The following ARHGEF28 variants were observed in gnomAD, a reference collection of about 807,000 sequenced individuals.
ARHGEF28 encodes the protein 190 kDa guanine nucleotide exchange factor.
In ARHGEF28, 152 loss-of-function variants were observed where a neutral mutation model predicts 206.6. The ratio of observed to expected loss-of-function variants is 0.74; its 90% CI spans 0.64 to 0.84. The LOEUF (loss-of-function observed/expected upper bound fraction) is 0.84. Among genes scored for constraint, ARHGEF28 ranks in the 40% least tolerant of loss-of-function variants. The pLI, the probability that ARHGEF28 is intolerant of heterozygous loss-of-function variation, is 0.00. For synonymous variants in ARHGEF28, 763 were observed against 776.4 expected (o/e 0.98, Z 0.29); for missense variants, 2,028 against 2,073.2 (o/e 0.98, Z 0.42).
At chr5:73,667,476 G>A (rs1415349247) in intron 1 of ARHGEF28, among the ~76,000 whole-genome samples, 1 of 152,168 alleles carries the variant, frequency 6.6e-6, no homozygotes, top group Non-Finnish European at 1.5e-5. Flanking sequence ...CCTTCTCCCA[G>A]GACTTGGCAC....
At chr5:73,786,578 G>A (rs1381775019) in intron 7 of ARHGEF28, 2 of 152,190 alleles carry the variant, frequency 1.3e-5, no homozygotes, top group Admixed American at 6.5e-5. Context: ...ATGTCTCGAT[G>A]ACACATGCCA....
intron 22 of ARHGEF28, among the ~76,000 whole-genome samples, chr5:73,882,109 G>T (rs1239895014): frequency 2.0e-5 from 3 of 152,004 alleles, no homozygotes; most frequent in Non-Finnish European, 4.4e-5. Context: ...CTTCCTGAAG[G>T]CCCCTAAATG....
chr5:73,634,608 C>T (rs1561299108), intron 1 of ARHGEF28, among the ~76,000 whole-genome samples: 1 of 152,178 alleles, frequency 6.6e-6, no homozygotes, highest in Non-Finnish European at 1.5e-5. Context: ...TGTATCGAAT[C>T]CCTCTGTCAT....
At chr5:73,679,223 T>A (rs552145632) in intron 1 of ARHGEF28, among the ~76,000 whole-genome samples, 1 of 152,322 alleles carries the variant, frequency 6.6e-6, no homozygotes, top group East Asian at 1.9e-4. Flanking sequence ...AAACTTTAAA[T>A]GATTTTTTTG....
At chr5:73,782,724 G>C (rs1019894770) in intron 7 of ARHGEF28, among the ~76,000 whole-genome samples, 3 of 152,182 alleles carry the variant, frequency 2.0e-5, no homozygotes, top group Non-Finnish European at 4.4e-5. Context: ...TCTCCTTGAA[G>C]ACCTGTAGGA....
At chr5:73,632,815 A>C (rs1329795538) in intron 1 of ARHGEF28, among the ~76,000 whole-genome samples, 1 of 151,894 alleles carries the variant, frequency 6.6e-6, no homozygotes, top group African/African-American at 2.4e-5. Context: ...AGCAGTCCCC[A>C]ACCTTTTTGA....
chr5:73,874,464 G>A (rs996683825), intron 22 of ARHGEF28, among the ~76,000 whole-genome samples: 25 of 151,314 alleles, frequency 1.7e-4, no homozygotes, highest in Admixed American at 1.4e-3. Context: ...ACAATGTGCA[G>A]GTTAGTTACA....
At chr5:73,702,998 T>G (rs1748692760) in intron 2 of ARHGEF28, among the ~76,000 whole-genome samples, 1 of 152,220 alleles carries the variant, frequency 6.6e-6, no homozygotes. Context: ...AATATCTAAA[T>G]CTGTTTGGGT....
chr5:73,645,953 T>C (rs1744398252), intron 1 of ARHGEF28, among the ~76,000 whole-genome samples: 1 of 152,112 alleles, frequency 6.6e-6, no homozygotes, highest in Non-Finnish European at 1.5e-5. Flanking sequence ...ATCTTTGATA[T>C]GATTCTGGTA....
chr5:73,785,694 G>A (rs1445511769), intron 7 of ARHGEF28, among the ~76,000 whole-genome samples: 4 of 152,242 alleles, frequency 2.6e-5, no homozygotes, highest in Non-Finnish European at 2.9e-5. Context: ...GTTCAAAAAC[G>A]CTCTGCATTT....
In ARHGEF28 at chr5:73,801,612, G is replaced by T. The variant is rs567948736; in HGVS notation, c.1024+6221G>T. On this transcript the variant is annotated intron_variant, in intron 9 of 35. Transcript: ENST00000513042. Reference sequence around the variant, plus strand: ...CAAGAATGTTTCGTGAAACATGGGAGGGGGGGACCTTAGCAGAACTCTTCT... The same window carrying T: ...CAAGAATGTTTCGTGAAACATGGGATGGGGGGACCTTAGCAGAACTCTTCT... Among the ~76,000 whole-genome samples the T allele has an allele frequency of 5.3e-5, 8 of 152,160 alleles. No individual in the cohort carries two copies. The South Asian group carries it at 1.2e-3, about 24-fold the overall frequency.
At chr5:73,646,541 G>C (rs969212601) in intron 1 of ARHGEF28, among the ~76,000 whole-genome samples, 1 of 152,186 alleles carries the variant, frequency 6.6e-6, no homozygotes, top group Admixed American at 6.5e-5. Context: ...CTGTCTGAGA[G>C]CTCACTGTAC....
chr5:73,863,978 G>A (rs1183363414), intron 16 of ARHGEF28, among the ~76,000 whole-genome samples: 1 of 152,098 alleles, frequency 6.6e-6, no homozygotes, highest in East Asian at 1.9e-4. Flanking sequence ...TATGCAGTGT[G>A]GCTTTGATGG....
chr5:73,785,697 C>T (rs1754117547), intron 7 of ARHGEF28, among the ~76,000 whole-genome samples: 1 of 152,196 alleles, frequency 6.6e-6, no homozygotes, highest in African/African-American at 2.4e-5. Flanking sequence ...CAAAAACGCT[C>T]TGCATTTGCT....
intron 2 of ARHGEF28, among the ~76,000 whole-genome samples, chr5:73,721,236 G>C (rs1423927361): frequency 6.6e-6 from 1 of 152,186 alleles, no homozygotes; most frequent in East Asian, 1.9e-4. Context: ...GCATTGTCCT[G>C]CCATGGTGTC....
intron 1 of ARHGEF28, among the ~76,000 whole-genome samples, chr5:73,635,564 G>A (rs1483321341): frequency 2.0e-5 from 3 of 152,174 alleles, no homozygotes; most frequent in Non-Finnish European, 4.4e-5. Flanking sequence ...TATTTATAAA[G>A]CTTGGTGGAG....
intron 17 of ARHGEF28, among the ~76,000 whole-genome samples, 166 bp downstream of exon 17, chr5:73,865,038 C>T (rs1322606262): frequency 1.3e-5 from 2 of 152,156 alleles, no homozygotes; most frequent in African/African-American, 4.8e-5. Flanking sequence ...TAACTGTACA[C>T]TGTTAGAAAT....
Position 73,846,408 on chromosome 5 carries a change from A to T in ARHGEF28, c.1568A>T (p.Asn523Ile). 1 of 1,613,992 alleles carries T rather than the reference A, an allele frequency of 6.2e-7. No individual in the cohort carries two copies. Among genetic ancestry groups the T allele is most frequent in the Non-Finnish European group, 8.5e-7 (1 of 1,179,868 alleles). ...GATGAATTGGACTCTTTTGAGACTA[A>T]CACTGAACCGGATTTTAATATCTCC... is the stretch of plus-strand genomic sequence containing the variant. ...SGDELDSFET[N>I]TEPDFNISRA... Residue 523 changes from asparagine (N) to isoleucine (I), a missense_variant, in exon 12 of 36, where the codon AAC (asparagine) becomes ATC (isoleucine). Around this residue, in one of 3 missense-constraint regions of ARHGEF28, gnomAD observed 1,002 missense variants for 1,015.3 expected, o/e 0.99. Coordinates refer to ENST00000513042, the MANE Select transcript of ARHGEF28 (RefSeq NM_001177693.2).
intron 11 of ARHGEF28, among the ~76,000 whole-genome samples, chr5:73,844,545 A>G (rs1020122589): frequency 1.3e-5 from 2 of 151,978 alleles, no homozygotes; most frequent in African/African-American, 4.8e-5. Context: ...TACTGTGTCC[A>G]TTAAATAGCC....
Sources: gnomAD v4.1 joint callset for allele counts (sites outside exome capture counted in the v4.1 genomes callset) on GRCh38, gnomAD v4.1.1 for gene constraint, gnomAD v4.1.1 regional missense constraint, MANE v1.5 for transcripts, NCBI Gene and HGNC (gene_info 2026-07-23, HGNC 2026-07-21) for gene names.